Variants in RUBCN observed in about 807,000 individuals in gnomAD.
The protein encoded by RUBCN is run domain Beclin-1-interacting and cysteine-rich domain-containing protein.
Under a neutral mutation model 113.2 loss-of-function variants are expected in RUBCN, and 74 were observed. The observed-to-expected ratio is 0.65, with a 90% confidence interval of 0.54 to 0.79. RUBCN has a LOEUF of 0.79. Ranked by LOEUF, RUBCN falls within the 30% of genes least tolerant of loss-of-function variation. The probability of loss-of-function intolerance (pLI) is 0.00; values close to 1 mark genes in which losing one functional copy is unlikely to be tolerated. For missense variants in RUBCN, 1,109 were observed against 1,251.7 expected (o/e 0.89, Z 1.72); for synonymous variants, 480 against 490.0 (o/e 0.98, Z 0.27).
At chr3:197,719,508 A>G (rs1450022045) in intron 1 of RUBCN, among the ~76,000 whole-genome samples, 1 of 151,538 alleles carries the variant, frequency 6.6e-6, no homozygotes, top group Non-Finnish European at 1.5e-5. Flanking sequence ...AGAACATGAT[A>G]AATCCCAAAA....
intron 1 of RUBCN, among the ~76,000 whole-genome samples, chr3:197,721,131 T>C (rs947181554): frequency 3.9e-5 from 6 of 152,212 alleles, no homozygotes; most frequent in East Asian, 1.9e-4. Flanking sequence ...CCTTGTAGAA[T>C]GAGTTTGGAG....
rs1379753902 is a variant in RUBCN, at chr3:197,749,344, A to C, written c.-191T>G. On this transcript the variant is annotated 5_prime_UTR_variant, in exon 1 of 21. Transcript: ENST00000273582. ...ATGTTTTGAGAGTGCCGATTGAGAG[A>C]AGGTACAGACACGGGAAACGTTAGC... 3 of 1,156,022 alleles carry C rather than the reference A, an allele frequency of 2.6e-6. No homozygotes were observed. The African/African-American group carries it at 4.9e-5, about 19-fold the overall frequency. 71.6% of individuals were successfully genotyped at this position (1,156,022 alleles called of 1,614,324 possible).
chr3:197,684,051 T>G, intron 12 of RUBCN, 106 bp downstream of exon 12: 1 of 895,844 alleles, frequency 1.1e-6, no homozygotes, highest in Non-Finnish European at 1.8e-6. Flanking sequence ...CCTCGCCTCC[T>G]CTTACATCTG....
intron 16 of RUBCN, among the ~76,000 whole-genome samples, chr3:197,680,372 C>T (rs563315919): frequency 2.1e-3 from 296 of 141,010 alleles, no homozygotes; most frequent in African/African-American, 7.4e-3. Context: ...ACAACTGGCT[C>T]CAGACTGTCC....
Position 197,681,561 on chromosome 3 carries a change from T to C in RUBCN, c.2192-194A>G, listed in dbSNP as rs2108849717. 6.6e-6 allele frequency among the ~76,000 whole-genome samples: 1 copy of C among 152,218 alleles called. No homozygotes were observed. The highest frequency in any genetic ancestry group is 2.4e-5 in the African/African-American group (1 of 41,516). Reference sequence around the variant, plus strand: ...TGATAATGTCCTACCTTGGAGGCCCTGAGGAAATAAAACCAGCTGGAGATA... The same window carrying C: ...TGATAATGTCCTACCTTGGAGGCCCCGAGGAAATAAAACCAGCTGGAGATA... On this transcript the variant is annotated intron_variant, in intron 15 of 19. Coordinates refer to ENST00000296343, the MANE Select transcript of RUBCN (RefSeq NM_014687.4). This position sits in a 1 kb window ranked among gnomAD's most constrained non-coding sequence, Gnocchi z 5.5.
chr3:197,688,332 C>T (rs1722068534), intron 11 of RUBCN, among the ~76,000 whole-genome samples: 1 of 152,062 alleles, frequency 6.6e-6, no homozygotes, highest in South Asian at 2.1e-4. Context: ...TCTCAAACTC[C>T]TGACCTCAGG....
chr3:197,727,721 C>G (rs1726915375), intron 1 of RUBCN, among the ~76,000 whole-genome samples: 1 of 152,198 alleles, frequency 6.6e-6, no homozygotes, highest in African/African-American at 2.4e-5. Context: ...ATGGTAAAGA[C>G]TTAAATCTGC....
intron 1 of RUBCN, among the ~76,000 whole-genome samples, chr3:197,719,715 A>G (rs1725934045): frequency 6.6e-6 from 1 of 152,136 alleles, no homozygotes; most frequent in South Asian, 2.1e-4. Flanking sequence ...TCTAAGATAC[A>G]CCAAACAATC....
chr3:197,744,382 G>C (rs1472594530), intron 1 of RUBCN, among the ~76,000 whole-genome samples: 1 of 152,036 alleles, frequency 6.6e-6, no homozygotes, highest in African/African-American at 2.4e-5. Flanking sequence ...AATGTAATTC[G>C]CCATATTAAT....
intron 7 of RUBCN, among the ~76,000 whole-genome samples, chr3:197,698,998 G>A (rs1723329710): frequency 6.6e-6 from 1 of 152,022 alleles, no homozygotes; most frequent in Non-Finnish European, 1.5e-5. Flanking sequence ...GAGACTGAAC[G>A]AGGCATTTGG....
In RUBCN at chr3:197,674,847, CGGCT is replaced by C; in HGVS notation, c.*167_*170del. 8 of 583,524 alleles carry C rather than the reference CGGCT, an allele frequency of 1.4e-5. No individual in the cohort carries two copies. The highest frequency in any genetic ancestry group is 5.0e-5 in the South Asian group (2 of 39,986). 36.1% of individuals were successfully genotyped at this position (583,524 alleles called of 1,614,324 possible). A position where few individuals can be genotyped will look rare whatever the true frequency, so the allele number is the denominator to read the frequency against. Reference sequence around the variant, plus strand: ...GACTCTGGACCCATCAACCTGCCGACGGCTGACTGCACACAGACGTCAGACAAGT... The same window carrying C: ...GACTCTGGACCCATCAACCTGCCGACGACTGCACACAGACGTCAGACAAGT... On this transcript the variant is annotated 3_prime_UTR_variant, in exon 20 of 20. Transcript: ENST00000296343.
At chr3:197,710,841 T>C (rs1441506618) in intron 2 of RUBCN, among the ~76,000 whole-genome samples, 1 of 151,986 alleles carries the variant, frequency 6.6e-6, no homozygotes, top group Non-Finnish European at 1.5e-5. Flanking sequence ...TTTTTTGAGA[T>C]GGAGTCTTGC....
chr3:197,745,519 G>T (rs912999575), intron 1 of RUBCN, among the ~76,000 whole-genome samples: 1 of 151,780 alleles, frequency 6.6e-6, no homozygotes, highest in African/African-American at 2.4e-5. Flanking sequence ...GGAGGCTAAG[G>T]CAGGAGAATT....
chr3:197,690,048 G>A (rs1400992901), intron 11 of RUBCN, among the ~76,000 whole-genome samples: 2 of 152,106 alleles, frequency 1.3e-5, no homozygotes, highest in Admixed American at 6.5e-5. Context: ...GTGAGAACAC[G>A]GGAGCTCCTG....
intron 16 of RUBCN, among the ~76,000 whole-genome samples, chr3:197,679,846 A>G (rs1274920824): frequency 1.4e-5 from 2 of 145,374 alleles, no homozygotes; most frequent in Non-Finnish European, 3.0e-5. Context: ...CTGGCTCCAG[A>G]CTGTCCTACG....
chr3:197,709,541 C>T (rs558522507), intron 2 of RUBCN, among the ~76,000 whole-genome samples: 21 of 152,222 alleles, frequency 1.4e-4, no homozygotes, highest in African/African-American at 4.6e-4. Context: ...CCACCATGCC[C>T]GGCTAGTTTT....
At chr3:197,730,806 G>C (rs1033883827) in intron 1 of RUBCN, among the ~76,000 whole-genome samples, 2 of 147,918 alleles carry the variant, frequency 1.4e-5, no homozygotes, top group Non-Finnish European at 3.0e-5. Context: ...TAGCAGACAT[G>C]CAAGCCCTGC....
chr3:197,711,449 A>G (rs34637485), intron 2 of RUBCN, among the ~76,000 whole-genome samples: 3,317 of 152,378 alleles, frequency 0.022, 46 homozygotes, highest in Middle Eastern at 0.058. Flanking sequence ...GGCAAGATAC[A>G]GAATAGTTAC....
upstream of RUBCN, among the ~76,000 whole-genome samples, chr3:197,737,716 C>T (rs1560480924): frequency 6.6e-6 from 1 of 152,056 alleles, no homozygotes. Flanking sequence ...GATGAGAAAG[C>T]CACTTTTGAC....
Sources: gnomAD v4.1 joint callset for allele counts (sites outside exome capture counted in the v4.1 genomes callset) on GRCh38, gnomAD v4.1.1 for gene constraint, Gnocchi (gnomAD v3.1) non-coding constraint, MANE v1.5 for transcripts, NCBI Gene and HGNC (gene_info 2026-07-23, HGNC 2026-07-21) for gene names.